The following ATP12A variants were observed in gnomAD, a reference collection of about 807,000 sequenced individuals.
ATP12A encodes the protein potassium-transporting ATPase alpha chain 2.
Under a neutral mutation model 111.2 loss-of-function variants are expected in ATP12A, and 81 were observed. That is an observed-to-expected ratio of 0.73 (90% CI 0.61 to 0.88). The LOEUF (loss-of-function observed/expected upper bound fraction) is 0.88, where lower values mean the gene tolerates loss of function less well. Ranked by LOEUF, ATP12A falls within the 40% of genes least tolerant of loss-of-function variation. ATP12A has a pLI of 0.00. For missense variants in ATP12A, 1,196 were observed against 1,313.1 expected (o/e 0.91, Z 1.38); for synonymous variants, 498 against 499.8 (o/e 1.00, Z 0.05).
Position 24,685,949 on chromosome 13 carries a change from T to C in ATP12A, c.228+576T>C, listed in dbSNP as rs1266274103. Among the ~76,000 whole-genome samples, 1 of 152,184 alleles carries C rather than the reference T, an allele frequency of 6.6e-6. No homozygotes were observed. Among genetic ancestry groups the C allele is most frequent in the Non-Finnish European group, 1.5e-5 (1 of 68,030 alleles). On this transcript the variant is annotated intron_variant, in intron 3 of 22. Coordinates refer to ENST00000381946, the MANE Select transcript of ATP12A (RefSeq NM_001676.7). This position sits in a 1 kb window ranked among gnomAD's most constrained non-coding sequence, Gnocchi z 5.5. ...GGTCATCTGGGTGAAGCTGTCAAAG[T>C]ATTCACATTAAACTAATGAGTAGGA...
intron 2 of ATP12A, among the ~76,000 whole-genome samples, chr13:24,683,285 G>T (rs938764628): frequency 9.2e-5 from 14 of 152,310 alleles, no homozygotes; most frequent in Admixed American, 8.5e-4. Flanking sequence ...TAATAAAACT[G>T]CCTTGGGTCT....
intron 11 of ATP12A, among the ~76,000 whole-genome samples, chr13:24,697,343 C>G (rs1164861226): frequency 1.3e-5 from 2 of 152,082 alleles, no homozygotes; most frequent in African/African-American, 2.4e-5. Context: ...ATGTAAAAAG[C>G]CTTATCTTGG....
At chr13:24,711,062 G>A (rs1875946897) in intron 21 of ATP12A, among the ~76,000 whole-genome samples, 169 bp downstream of exon 21, 1 of 152,198 alleles carries the variant, frequency 6.6e-6, no homozygotes, top group African/African-American at 2.4e-5. Context: ...TTCCAGAAGT[G>A]GAAATGGGTT....
intron 14 of ATP12A, among the ~76,000 whole-genome samples, chr13:24,705,657 G>T (rs1268542308): frequency 6.6e-6 from 1 of 152,068 alleles, no homozygotes; most frequent in African/African-American, 2.4e-5. Flanking sequence ...TGAACAGGCA[G>T]TTTGGGGGTT....
At chr13:24,683,277 A>T (rs1256713977) in intron 2 of ATP12A, among the ~76,000 whole-genome samples, 1 of 152,170 alleles carries the variant, frequency 6.6e-6, no homozygotes, top group Non-Finnish European at 1.5e-5. Context: ...CACTTTAATA[A>T]TAAAACTGCC....
At chr13:24,710,327 A>T in intron 19 of ATP12A, 133 bp from the exon 20 acceptor site, 1 of 1,102,214 alleles carries the variant, frequency 9.1e-7, no homozygotes. Flanking sequence ...TTTCTTTCCA[A>T]ACACTAGAAG....
chr13:24,681,240 C>A (rs965058295), intron 1 of ATP12A, among the ~76,000 whole-genome samples: 5 of 151,936 alleles, frequency 3.3e-5, no homozygotes, highest in African/African-American at 4.8e-5. Context: ...TCTAAGGAAA[C>A]CTCACAGCTC....
chr13:24,694,570 A>G lies in ATP12A; in HGVS notation c.1504A>G (p.Lys502Glu). Reference protein sequence around the residue: ...VAEIPFNSTNKFQLSIHEMDD... With the variant: ...VAEIPFNSTNEFQLSIHEMDD... ...TGAAATCCCTTTTAACTCTACTAATAAATTTCAGGTGAGTTTTTCCTCACA... is the reference window on the plus strand; with the variant it reads ...TGAAATCCCTTTTAACTCTACTAATGAATTTCAGGTGAGTTTTTCCTCACA... Residue 502 changes from lysine to glutamate, a missense_variant, in exon 11 of 23, where the codon AAA becomes GAA. By Grantham distance (56) the Lys-to-Glu change is moderately conservative (BLOSUM62 1). This residue lies in a region of ATP12A where 1,126 missense variants were observed against 1,228.5 expected (regional missense o/e 0.92). Transcript: ENST00000381946. The G allele has an allele frequency of 6.2e-7, 1 of 1,612,792 alleles. No homozygotes were observed. The highest frequency in any genetic ancestry group is 2.2e-5 in the East Asian group (1 of 44,892).
intron 2 of ATP12A, among the ~76,000 whole-genome samples, chr13:24,682,553 TC>T: frequency 6.6e-6 from 1 of 152,126 alleles, no homozygotes; most frequent in Non-Finnish European, 1.5e-5. Flanking sequence ...CAGACCTCTC[TC>T]CCCGCAGCTG....
chr13:24,701,196 A>G (rs975193223), intron 13 of ATP12A, among the ~76,000 whole-genome samples: 5 of 152,164 alleles, frequency 3.3e-5, no homozygotes, highest in Admixed American at 2.0e-4. Context: ...AGTCCATGGT[A>G]GATACTAAAA....
chr13:24,696,260 G>T (rs1408691343), intron 11 of ATP12A, among the ~76,000 whole-genome samples: 2 of 152,154 alleles, frequency 1.3e-5, no homozygotes, highest in East Asian at 3.9e-4. Flanking sequence ...GGGGTTAGAT[G>T]ATGCCTCCAT....
chr13:24,684,585 C>G (rs1874600807), intron 2 of ATP12A, among the ~76,000 whole-genome samples: 1 of 152,206 alleles, frequency 6.6e-6, no homozygotes, highest in South Asian at 2.1e-4. Context: ...TCCCCCACCC[C>G]TCTCCCAGGG....
Position 24,680,696 on chromosome 13 carries a change from C to A in ATP12A, c.-48C>A. On this transcript the variant is annotated 5_prime_UTR_variant, in exon 1 of 23. Transcript: ENST00000381946. ...CCACCGTGCGCTCCGCCGCTGCGGTCCCGGATCCGCGCTCCACGCCCGCAG... is the reference window on the plus strand; with the variant it reads ...CCACCGTGCGCTCCGCCGCTGCGGTACCGGATCCGCGCTCCACGCCCGCAG... 2 of 1,501,484 alleles carry A rather than the reference C, an allele frequency of 1.3e-6. No homozygotes were observed. The highest frequency in any genetic ancestry group is 2.5e-5 in the South Asian group (2 of 81,048). 93.0% of individuals were successfully genotyped at this position (1,501,484 alleles called of 1,614,324 possible). A position where few individuals can be genotyped will look rare whatever the true frequency, so the allele number is the denominator to read the frequency against.
rs911121876 is a variant in ATP12A, at chr13:24,688,477, A to G, written c.387A>G (p.Ala129=). The change falls in exon 4 of 23, where the codon GCA becomes GCG. Residue 129 remains alanine, a synonymous_variant. Transcript: ENST00000381946. The part of the protein sequence containing the change: ...LWVGAFLCWI[A]YGIQYSSDKS... ...TGGGCGCCTTTCTCTGTTGGATTGCATATGGGATTCAGTACTCCAGCGACA... is the reference window on the plus strand; with the variant it reads ...TGGGCGCCTTTCTCTGTTGGATTGCGTATGGGATTCAGTACTCCAGCGACA... The G allele has an allele frequency of 3.7e-6, 6 of 1,612,580 alleles. No homozygotes were observed. The African/African-American group carries it at 8.0e-5, about 22-fold the overall frequency.
In ATP12A at chr13:24,698,745, A is replaced by G; in HGVS notation, c.1600A>G (p.Ser534Gly). The G allele has an allele frequency of 6.2e-7, 1 of 1,614,104 alleles. No homozygotes were observed. Residue 534 changes from serine (S) to glycine (G), a missense_variant, in exon 12 of 23, where the codon AGC becomes GGC. This residue lies in a region of ATP12A where 1,126 missense variants were observed against 1,228.5 expected (regional missense o/e 0.92). Transcript: ENST00000381946. ...CCCTGAGCGCATCCTAGAGAAATGCAGCACCATCATGATCAACGGCGAGGA... is the reference window on the plus strand; with the variant it reads ...CCCTGAGCGCATCCTAGAGAAATGCGGCACCATCATGATCAACGGCGAGGA... ...GAPERILEKC[S>G]TIMINGEEHP...
At chr13:24,695,795 G>C (rs1009865350) in intron 11 of ATP12A, among the ~76,000 whole-genome samples, 1 of 151,952 alleles carries the variant, frequency 6.6e-6, no homozygotes, top group Non-Finnish European at 1.5e-5. Context: ...TTTTAGTAGA[G>C]ACAGGGTTTC....
In ATP12A at chr13:24,701,990, T is replaced by TG; in HGVS notation, c.1941dup (p.Ile648AspfsTer7). On this transcript the variant is annotated frameshift_variant, in exon 14 of 23. Transcript: ENST00000381946. LOFTEE classifies it high-confidence loss of function. ...ACAGCCAAAGCTATTGCCAAGAGTG[T>TG]GGGGATCATTTCAGCCAACAGTGAA... The TG allele has an allele frequency of 1.2e-6, 2 of 1,614,230 alleles. No homozygotes were observed. Among genetic ancestry groups the TG allele is most frequent in the Non-Finnish European group, 1.7e-6 (2 of 1,180,042 alleles).
rs1874441256 is a variant in ATP12A, at chr13:24,681,717, T to A, written c.165T>A (p.His55Gln). The A allele has an allele frequency of 6.2e-7, 1 of 1,614,160 alleles. No homozygotes were observed. The highest frequency in any genetic ancestry group is 2.2e-5 in the East Asian group (1 of 44,888). ...NHKEEFQKEL[H>Q]LDDHKLSNRE... ...AAGAGGAGTTTCAGAAAGAACTCCA[T>A]CTGGTCAGTAGCCTTAAGCCACGGG... is the stretch of plus-strand genomic sequence containing the variant. Residue 55 changes from histidine (H) to glutamine (Q), a missense_variant, in exon 2 of 23, where the codon CAT becomes CAA. Coordinates refer to ENST00000381946, the MANE Select transcript of ATP12A (RefSeq NM_001676.7).
chr13:24,682,415 G>GTGTGTGTGTGTGTGTT (rs1874515513), intron 2 of ATP12A, among the ~76,000 whole-genome samples: 4 of 144,310 alleles, frequency 2.8e-5, no homozygotes, highest in Admixed American at 7.1e-5. Flanking sequence ...GTGTGTGTGT[G>GTGTGTGTGTGTGTGTT]TTTTGAATGG....
Sources: gnomAD v4.1 joint callset for allele counts (sites outside exome capture counted in the v4.1 genomes callset) on GRCh38, gnomAD v4.1.1 for gene constraint, gnomAD v4.1.1 regional missense constraint, Gnocchi (gnomAD v3.1) non-coding constraint, MANE v1.5 for transcripts, NCBI Gene and HGNC (gene_info 2026-07-23, HGNC 2026-07-21) for gene names.